ANKRD35: variants seen among roughly 807,000 people sequenced by gnomAD.
ANKRD35 encodes the protein ankyrin repeat domain 35, also known as ankyrin repeat domain-containing protein 35.
In ANKRD35, 102 loss-of-function variants were observed where a neutral mutation model predicts 109.9. The ratio of observed to expected loss-of-function variants is 0.93; its 90% CI spans 0.79 to 1.09. The LOEUF is 1.09. Among genes scored for constraint, ANKRD35 ranks in the 50% least tolerant of loss-of-function variants. ANKRD35 has a pLI of 0.00. For synonymous variants in ANKRD35, 515 were observed against 512.4 expected, an observed-to-expected ratio of 1.01 and a Z score of -0.07; for missense variants, 1,240 against 1,230.1, an observed-to-expected ratio of 1.01 and a Z score of -0.12.
intron 2 of ANKRD35, among the ~76,000 whole-genome samples, chr1:145,879,007 TG>T (rs1326656395): frequency 2.0e-5 from 3 of 152,234 alleles, no homozygotes; most frequent in Non-Finnish European, 4.4e-5. Context: ...GTTTGTTTAA[TG>T]GGCTTTATGT....
At chr1:145,881,115 GTC>G (rs1377769941) in intron 1 of ANKRD35, among the ~76,000 whole-genome samples, 1 of 152,124 alleles carries the variant, frequency 6.6e-6, no homozygotes, top group Non-Finnish European at 1.5e-5. Context: ...GTGAAACCCC[GTC>G]TCTACTAAAA....
rs1553738969 is a variant in ANKRD35, at chr1:145,872,538, T to G, written c.2231A>C (p.Gln744Pro). The G allele has an allele frequency of 6.2e-7, 1 of 1,607,454 alleles. No individual in the cohort carries two copies. The highest frequency in any genetic ancestry group is 8.5e-7 in the Non-Finnish European group (1 of 1,176,920). ...STLVDRHREA[Q>P]QVLARLQEEN... ...TTCTTGCAGCCGAGCCAGCACCTGC[T>G]GGGCCTCCCGGTGCCGATCCACCAG... The change falls in exon 10 of 14, where the codon CAG becomes CCG. Residue 744 changes from glutamine to proline, a missense_variant. Coordinates refer to ENST00000355594, the MANE Select transcript of ANKRD35 (RefSeq NM_144698.5).
At position 145,873,726 on chromosome 1, in the gene ANKRD35, A is replaced by G; in HGVS notation, c.1043T>C (p.Leu348Pro). The part of the protein sequence containing the change: ...REQAQELGVL[L>P]SWEPRASGKQ... ...TCCTGAAGCTCTGGGCTCCCAGGATAGGAGGACCCCTAGCTCCTGCGCCTG... is the reference window on the plus strand; with the variant it reads ...TCCTGAAGCTCTGGGCTCCCAGGATGGGAGGACCCCTAGCTCCTGCGCCTG... The change falls in exon 10 of 14, where the codon CTA becomes CCA. Residue 348 changes from leucine to proline, a missense_variant. Leu to Pro is a moderately conservative substitution (Grantham distance 98). Transcript: ENST00000355594. The G allele has an allele frequency of 6.2e-7, 1 of 1,613,886 alleles. No individual in the cohort carries two copies. The highest frequency in any genetic ancestry group is 8.5e-7 in the Non-Finnish European group (1 of 1,179,892).
At chr1:145,883,854 C>T (rs587614161) in intron 1 of ANKRD35, among the ~76,000 whole-genome samples, 4 of 152,336 alleles carry the variant, frequency 2.6e-5, no homozygotes, top group South Asian at 2.1e-4. Context: ...TCTATGACTC[C>T]AATCTGTCTG....
rs1332526309 is a variant in ANKRD35 at position 145,873,454 on chromosome 1, C to T, written c.1315G>A (p.Ala439Thr). 6.2e-7 allele frequency: 1 copy of T among 1,613,856 alleles called. No homozygotes were observed. The highest frequency in any genetic ancestry group is 8.5e-7 in the Non-Finnish European group (1 of 1,179,948). The change falls in exon 10 of 14, where the codon GCC becomes ACC. Residue 439 changes from alanine to threonine, a missense_variant. Ala to Thr is a moderately conservative substitution (Grantham distance 58). Coordinates refer to ENST00000355594, the MANE Select transcript of ANKRD35 (RefSeq NM_144698.5). Reference protein sequence around the residue: ...QSPASETIRKATGQQLTTNGA... With the variant: ...QSPASETIRKTTGQQLTTNGA... ...TTGGTAGTCAGTTGCTGTCCTGTGG[C>T]TTTCCTGATGGTCTCAGACGCTGGG... is the stretch of plus-strand genomic sequence containing the variant.
intron 2 of ANKRD35, among the ~76,000 whole-genome samples, chr1:145,878,768 C>G (rs587717669): frequency 5.3e-5 from 8 of 152,294 alleles, no homozygotes; most frequent in African/African-American, 1.7e-4. Flanking sequence ...AGCACAGAAC[C>G]TTAGCGGAAG....
Position 145,872,154 on chromosome 1 carries a change from T to A in ANKRD35, c.2615A>T (p.Glu872Val), listed in dbSNP as rs782682993. ...CCGGCGGCGCTCCTCGGCCACCGCC[T>A]CCCGCAGCCGACCCACTTCCCGGCA... ...TACREVGRLR[E>V]AVAEERRRSG... Residue 872 changes from glutamate to valine, a missense_variant, in exon 10 of 14, where the codon GAG becomes GTG. Coordinates refer to ENST00000355594, the MANE Select transcript of ANKRD35 (RefSeq NM_144698.5). The A allele has an allele frequency of 6.2e-7, 1 of 1,609,376 alleles. No individual in the cohort carries two copies. The highest frequency in any genetic ancestry group is 2.2e-5 in the East Asian group (1 of 44,788).
At position 145,885,746 on chromosome 1, in the gene ANKRD35, A is replaced by G; in HGVS notation, c.13T>C (p.Phe5Leu). MKRI[F>L]SCSSTQVAVE... ...GCCACCTGTGTGCTGGAGCAGGAGA[A>G]GATACGCTTCATGGCCGGGGTCGGG... is the stretch of plus-strand genomic sequence containing the variant. Residue 5 changes from phenylalanine (F) to leucine (L), a missense_variant, in exon 1 of 14, where the codon TTC becomes CTC. By Grantham distance (22) the Phe-to-Leu change is conservative. Transcript: ENST00000355594. 3.1e-6 allele frequency: 5 copies of G among 1,614,104 alleles called. No homozygotes were observed. Among genetic ancestry groups the G allele is most frequent in the East Asian group, 4.5e-5 (2 of 44,864 alleles).
At position 145,873,470 on chromosome 1, in the gene ANKRD35, A is replaced by T. The variant is rs782525411; in HGVS notation, c.1299T>A (p.Ser433=). 83 of 1,613,836 alleles carry T rather than the reference A, an allele frequency of 5.1e-5. 2 individuals are homozygous for T. The South Asian group carries it at 5.6e-4, about 11-fold the overall frequency. The change falls in exon 10 of 14, where the codon TCT becomes TCA. Residue 433 remains serine (S), a synonymous_variant. Coordinates refer to ENST00000355594, the MANE Select transcript of ANKRD35 (RefSeq NM_144698.5). ...EEQGPPQSPA[S]ETIRKATGQQ... ...GTCCTGTGGCTTTCCTGATGGTCTCAGACGCTGGGCTCTGGGGTGGCCCCT... is the reference window on the plus strand; with the variant it reads ...GTCCTGTGGCTTTCCTGATGGTCTCTGACGCTGGGCTCTGGGGTGGCCCCT...
At position 145,876,584 on chromosome 1, in the gene ANKRD35, CA is replaced by C. The variant is rs1654083748; in HGVS notation, c.437del (p.Leu146ArgfsTer12). The C allele has an allele frequency of 6.2e-7, 1 of 1,614,164 alleles. No homozygotes were observed. The highest frequency in any genetic ancestry group is 1.6e-4 in the Middle Eastern group (1 of 6,062). ...TGACACTCACATTATCCAACACGTCCAGGAAGGCTTCGTGGTCACACAGCAG... is the reference window on the plus strand; with the variant it reads ...TGACACTCACATTATCCAACACGTCCGGAAGGCTTCGTGGTCACACAGCAG... ...VLLLCDHEAF[L>X]DVLDNDGRTP... On this transcript the variant is annotated frameshift_variant, in exon 6 of 14. Transcript: ENST00000355594. LOFTEE classifies it high-confidence loss of function.
intron 1 of ANKRD35, among the ~76,000 whole-genome samples, chr1:145,883,058 T>C (rs149582801): frequency 1.0e-3 from 152 of 150,820 alleles, no homozygotes; most frequent in South Asian, 2.1e-3. Flanking sequence ...AACGTTGTAA[T>C]TGCAGTAGAC....
chr1:145,879,121 C>T, intron 2 of ANKRD35, 137 bp downstream of exon 2: 1 of 1,191,474 alleles, frequency 8.4e-7, no homozygotes, highest in Admixed American at 3.6e-5. Context: ...TAGCAAAAAA[C>T]TATTGATATA....
At chr1:145,869,061 A>AT (rs1195380504) in intron 10 of ANKRD35, among the ~76,000 whole-genome samples, 2 of 152,172 alleles carry the variant, frequency 1.3e-5, no homozygotes, top group African/African-American at 4.8e-5. Flanking sequence ...TTTGTAACCA[A>AT]TTAAAAAAAA....
At chr1:145,880,216 A>G (rs753121594) in intron 1 of ANKRD35, among the ~76,000 whole-genome samples, 2 of 152,126 alleles carry the variant, frequency 1.3e-5, no homozygotes, top group Non-Finnish European at 2.9e-5. Flanking sequence ...GGTAATTATA[A>G]TAATTGAAGT....
intron 1 of ANKRD35, among the ~76,000 whole-genome samples, chr1:145,883,219 G>C (rs1450936717): frequency 6.6e-6 from 1 of 151,922 alleles, no homozygotes; most frequent in African/African-American, 2.4e-5. Flanking sequence ...CAAGTAGCTG[G>C]GATTACAGGT....
In ANKRD35 at chr1:145,876,128, AG is replaced by A. The variant is rs1654061040; in HGVS notation, c.560+11del. On this transcript the variant is annotated intron_variant, in intron 7 of 13. Coordinates refer to ENST00000355594, the MANE Select transcript of ANKRD35 (RefSeq NM_144698.5). The stretch of plus-strand genomic sequence containing the variant: ...GCATGGGAATTGGGGTGCATAGACG[AG>A]GGGGGCTCACTTGTCATTCTTGTCT... The A allele has an allele frequency of 6.2e-7, 1 of 1,612,688 alleles. No homozygotes were observed. The highest frequency in any genetic ancestry group is 8.5e-7 in the Non-Finnish European group (1 of 1,179,350).
chr1:145,873,215 C>T lies in ANKRD35; in HGVS notation c.1554G>A (p.Met518Ile), dbSNP rs781970487. The stretch of plus-strand genomic sequence containing the variant: ...CACGGGGAGTCCCCAGGGCTCCCTC[C>T]ATGACCGGTCTTGACAAAGCCCCCC... ...AARGALSRPVMEGALGTPRAE... is the reference protein window; with the variant it reads ...AARGALSRPVIEGALGTPRAE... The change falls in exon 10 of 14, where the codon ATG (methionine) becomes ATA (isoleucine). Residue 518 changes from methionine to isoleucine, a missense_variant. Physicochemically the swap from Met to Ile is conservative, Grantham distance 10 (BLOSUM62 1). Transcript: ENST00000355594. 1.3e-5 allele frequency: 21 copies of T among 1,614,188 alleles called. No homozygotes were observed. In the Admixed American group the frequency reaches 1.5e-4, roughly 12 times the overall value.
rs1570796881 is a variant in ANKRD35, at chr1:145,872,575, A to G, written c.2194T>C (p.Cys732Arg). The stretch of plus-strand genomic sequence containing the variant: ...TGCCGATCCACCAGGGTGCTGATGC[A>G]GGCCCGCAGCTCCTCCAGGGACTCC... ...AAESLEELRA[C>R]ISTLVDRHRE... The change falls in exon 10 of 14, where the codon TGC becomes CGC. Residue 732 changes from cysteine to arginine, a missense_variant. Physicochemically the swap from Cys to Arg is radical, Grantham distance 180. Transcript: ENST00000355594. The G allele has an allele frequency of 1.2e-6, 2 of 1,611,462 alleles. No homozygotes were observed. Among genetic ancestry groups the G allele is most frequent in the Non-Finnish European group, 1.7e-6 (2 of 1,178,834 alleles).
In ANKRD35 at chr1:145,873,982, A is replaced by T; in HGVS notation, c.787T>A (p.Ser263Thr). 1 of 1,613,652 alleles carries T rather than the reference A, an allele frequency of 6.2e-7. No homozygotes were observed. Among genetic ancestry groups the T allele is most frequent in the Non-Finnish European group, 8.5e-7 (1 of 1,179,888 alleles). The change falls in exon 10 of 14, where the codon TCT (serine) becomes ACT (threonine). Residue 263 changes from serine (S) to threonine (T), a missense_variant. Coordinates refer to ENST00000355594, the MANE Select transcript of ANKRD35 (RefSeq NM_144698.5). ...GAACCTGCCTGGGGCTCAGATGGAG[A>T]GGCCTATGTTGGAAACAGAATAGTA... ...VQHPDLASQASPSEPQAGSPP... is the reference protein window; with the variant it reads ...VQHPDLASQATPSEPQAGSPP...
Sources: gnomAD v4.1 joint callset for allele counts (sites outside exome capture counted in the v4.1 genomes callset) on GRCh38, gnomAD v4.1.1 for gene constraint, MANE v1.5 for transcripts, NCBI Gene and HGNC (gene_info 2026-07-23, HGNC 2026-07-21) for gene names.